The following FAM186B variants were observed in gnomAD, a reference collection of about 807,000 sequenced individuals.
The protein encoded by FAM186B is protein FAM186B.
Under a neutral mutation model 83.4 loss-of-function variants are expected in FAM186B, and 68 were observed. That is an observed-to-expected ratio of 0.81 (90% CI 0.67 to 1.00). The LOEUF (loss-of-function observed/expected upper bound fraction) is 1.00. FAM186B is among the 50% of genes least tolerant of loss of function. FAM186B has a pLI of 0.00. For missense variants in FAM186B, 983 were observed against 1,099.2 expected (o/e 0.89, Z 1.49); for synonymous variants, 389 against 422.0 (o/e 0.92, Z 0.96).
Position 49,600,442 on chromosome 12 carries a change from T to G in FAM186B, c.1198A>C (p.Arg400=). 1.2e-6 allele frequency: 2 copies of G among 1,613,316 alleles called. No homozygotes were observed. The highest frequency in any genetic ancestry group is 2.2e-5 in the South Asian group (2 of 90,968). ...TTGCTGCCGAACACATCTGCGACCC[T>G]CGAGCGCACAGTCATGGTGGAAAGT... The part of the protein sequence containing the change: ...QPLSTMTVRS[R]VADVFGSKDT... Residue 400 remains arginine (R), a synonymous_variant, in exon 4 of 7, where the codon AGG becomes CGG. Coordinates refer to ENST00000257894, the MANE Select transcript of FAM186B (RefSeq NM_032130.3). This position sits in a 1 kb window ranked among gnomAD's most constrained non-coding sequence, Gnocchi z 4.3.
chr12:49,589,201 G>A (rs1048894685), intron 5 of FAM186B, among the ~76,000 whole-genome samples: 1 of 152,178 alleles, frequency 6.6e-6, no homozygotes, highest in Non-Finnish European at 1.5e-5. Context: ...CAATGCCTCA[G>A]CATGCTGCCT....
chr12:49,614,480 G>A, the FAM186B span, among the ~76,000 whole-genome samples: 1 of 152,188 alleles, frequency 6.6e-6, no homozygotes, highest in Admixed American at 6.6e-5. Flanking sequence ...TGCAAGAATA[G>A]AAAACCAAAT....
chr12:49,622,648 A>G, the FAM186B span: 15 of 152,350 alleles, frequency 9.8e-5, no homozygotes, highest in African/African-American at 3.6e-4. Flanking sequence ...TGTCACCTCT[A>G]ACTCTTCGTG....
chr12:49,585,026 GT>G (rs1939410903), downstream of FAM186B, among the ~76,000 whole-genome samples: 1 of 151,956 alleles, frequency 6.6e-6, no homozygotes, highest in African/African-American at 2.4e-5. Flanking sequence ...GTTTCGTTTT[GT>G]TTTGTTTTTT....
upstream of FAM186B, among the ~76,000 whole-genome samples, chr12:49,607,233 G>A (rs1940041507): frequency 6.6e-6 from 1 of 151,878 alleles, no homozygotes; most frequent in Admixed American, 6.6e-5. Flanking sequence ...AAAAATAGAA[G>A]AAAATCAATG....
the FAM186B span, among the ~76,000 whole-genome samples, chr12:49,611,020 A>G: frequency 6.6e-6 from 1 of 151,664 alleles, no homozygotes; most frequent in African/African-American, 2.4e-5. Context: ...CGGGCGAATC[A>G]CTTGAGGCCA....
At chr12:49,584,464 C>T, downstream of FAM186B, 1 of 701,316 alleles carries the variant, frequency 1.4e-6, no homozygotes, top group Non-Finnish European at 2.6e-6. Flanking sequence ...GGTTGAGAAT[C>T]ACTGGCTGAG....
At chr12:49,587,119 T>C (rs573774410), downstream of FAM186B, among the ~76,000 whole-genome samples, 2 of 152,304 alleles carry the variant, frequency 1.3e-5, no homozygotes, top group African/African-American at 4.8e-5. Context: ...AAAAGCCTCT[T>C]GTTGGCCCCT....
chr12:49,608,655 C>T (rs1452695531), upstream of FAM186B, among the ~76,000 whole-genome samples: 2 of 151,834 alleles, frequency 1.3e-5, no homozygotes, highest in African/African-American at 4.8e-5. Context: ...TCATGAAGAA[C>T]ACCCTAGGTC....
At chr12:49,598,134 A>AAT (rs1939770211) in intron 5 of FAM186B, among the ~76,000 whole-genome samples, 1 of 152,214 alleles carries the variant, frequency 6.6e-6, no homozygotes, top group South Asian at 2.1e-4. Context: ...GCAAACAGTC[A>AAT]ATTAAGAGTG....
chr12:49,589,746 G>A (rs954840329), intron 5 of FAM186B, among the ~76,000 whole-genome samples: 5 of 152,044 alleles, frequency 3.3e-5, no homozygotes, highest in African/African-American at 1.2e-4. Context: ...ACTTTAGGAA[G>A]CCAAGTCAGG....
Position 49,604,354 on chromosome 12 carries a change from T to A in FAM186B, c.281A>T (p.Glu94Val), listed in dbSNP as rs758516249. 5 of 1,614,236 alleles carry A rather than the reference T, an allele frequency of 3.1e-6. No homozygotes were observed. The Admixed American group carries it at 6.7e-5, about 22-fold the overall frequency. ...ASFSKDAMMK[E>V]KHLYDILRWL... ...GCGGAGAATGTCATACAGGTGCTTC[T>A]CCTTCATCATAGCATCTTTGGAGAA... Residue 94 changes from glutamate (E) to valine (V), a missense_variant, in exon 2 of 7, where the codon GAG becomes GTG. By Grantham distance (121) the Glu-to-Val change is moderately radical (BLOSUM62 -2). Coordinates refer to ENST00000257894, the MANE Select transcript of FAM186B (RefSeq NM_032130.3).
intron 5 of FAM186B, among the ~76,000 whole-genome samples, chr12:49,589,273 C>T (rs1939523381): frequency 6.6e-6 from 1 of 152,176 alleles, no homozygotes; most frequent in South Asian, 2.1e-4. Flanking sequence ...CTGACCCAAC[C>T]CTAGGGCAGG....
In FAM186B at chr12:49,588,690, C is replaced by T. The variant is rs878895471; in HGVS notation, c.2365-67G>A. 7.8e-5 allele frequency: 115 copies of T among 1,482,184 alleles called. 1 individual carries two copies. The highest frequency in any genetic ancestry group is 3.8e-4 in the South Asian group (29 of 76,164). The allele number at this position is 1,482,184 out of a possible 1,614,324, so 91.8% of individuals were successfully genotyped here. On this transcript the variant is annotated intron_variant, in intron 5 of 6. Coordinates refer to ENST00000257894, the MANE Select transcript of FAM186B (RefSeq NM_032130.3). ...ATCTCCTCTCTAGGTCGTGAGGAGGCTTTGTCTGTTTGTTGGTGCCCCTGC... is the reference window on the plus strand; with the variant it reads ...ATCTCCTCTCTAGGTCGTGAGGAGGTTTTGTCTGTTTGTTGGTGCCCCTGC...
chr12:49,595,857 T>G (rs1418655041), intron 5 of FAM186B, among the ~76,000 whole-genome samples: 1 of 151,982 alleles, frequency 6.6e-6, no homozygotes, highest in Non-Finnish European at 1.5e-5. Context: ...TGGCGGTGGG[T>G]GCCCATAGTC....
At chr12:49,606,010 C>A (rs1168681232), upstream of FAM186B, among the ~76,000 whole-genome samples, 2 of 151,966 alleles carry the variant, frequency 1.3e-5, no homozygotes, top group African/African-American at 4.8e-5. Flanking sequence ...GATCCACCCA[C>A]CTTAGCCTCC....
At chr12:49,604,807 G>A (rs1250098165) in intron 1 of FAM186B, 1 of 329,350 alleles carries the variant, frequency 3.0e-6, no homozygotes, top group Non-Finnish European at 5.5e-6. Flanking sequence ...GGTCAAGAAA[G>A]TATAGAACAC....
downstream of FAM186B, chr12:49,584,174 C>G (rs899942009): frequency 3.3e-6 from 1 of 298,598 alleles, no homozygotes; most frequent in Non-Finnish European, 6.4e-6. Flanking sequence ...TGCCAGGTGC[C>G]AATCACAGCT....
intron 5 of FAM186B, among the ~76,000 whole-genome samples, chr12:49,592,691 C>T (rs1939608845): frequency 6.6e-6 from 1 of 152,268 alleles, no homozygotes; most frequent in African/African-American, 2.4e-5. Context: ...GAGGCTGAGG[C>T]ATGAGAATCG....
Sources: gnomAD v4.1 joint callset for allele counts (sites outside exome capture counted in the v4.1 genomes callset) on GRCh38, gnomAD v4.1.1 for gene constraint, Gnocchi (gnomAD v3.1) non-coding constraint, MANE v1.5 for transcripts, NCBI Gene and HGNC (gene_info 2026-07-23, HGNC 2026-07-21) for gene names.